DLGAP1: variants seen among roughly 807,000 people sequenced by gnomAD.
DLGAP1 encodes the protein disks large-associated protein 1.
Under a neutral mutation model 90.8 loss-of-function variants are expected in DLGAP1, and 11 were observed. That is an observed-to-expected ratio of 0.12 (90% CI 0.08 to 0.20). The LOEUF (loss-of-function observed/expected upper bound fraction) is 0.20. Among genes scored for constraint, DLGAP1 ranks in the 10% least tolerant of loss-of-function variants. The pLI is 1.00. For synonymous variants in DLGAP1, 558 were observed against 540.7 expected, an observed-to-expected ratio of 1.03 and a Z score of -0.44; for missense variants, 1,050 against 1,333.8, an observed-to-expected ratio of 0.79 and a Z score of 3.31.
At chr18:4,005,856 AT>A (rs535244382) in intron 2 of DLGAP1, among the ~76,000 whole-genome samples, 6 of 151,596 alleles carry the variant, frequency 4.0e-5, no homozygotes, top group Non-Finnish European at 5.9e-5. Flanking sequence ...TGTATTGGTA[AT>A]TTTTTTTTAT....
At chr18:4,013,905 C>T (rs765602035) in intron 2 of DLGAP1, 1 of 151,946 alleles carries the variant, frequency 6.6e-6, no homozygotes, top group African/African-American at 2.4e-5. Flanking sequence ...CCTAAGCTGG[C>T]AAGATAAATA....
At chr18:3,829,609 G>A (rs1038065957) in intron 4 of DLGAP1, among the ~76,000 whole-genome samples, 6 of 152,174 alleles carry the variant, frequency 3.9e-5, no homozygotes, top group African/African-American at 1.4e-4. Context: ...GAAATCCACA[G>A]GGTGGTCTGG....
chr18:3,672,023 T>A (rs1338090970), intron 7 of DLGAP1, among the ~76,000 whole-genome samples: 1 of 152,158 alleles, frequency 6.6e-6, no homozygotes, highest in Non-Finnish European at 1.5e-5. Context: ...GAGATATTTG[T>A]TCAGGAAAAA....
intron 1 of DLGAP1, among the ~76,000 whole-genome samples, chr18:4,233,894 A>G (rs2078349515): frequency 6.6e-6 from 1 of 152,166 alleles, no homozygotes; most frequent in African/African-American, 2.4e-5. Flanking sequence ...TTTAATACAA[A>G]TAAACATAAT....
chr18:3,808,457 T>A (rs148914087), intron 5 of DLGAP1, among the ~76,000 whole-genome samples: 3 of 152,256 alleles, frequency 2.0e-5, no homozygotes, highest in Non-Finnish European at 4.4e-5. Flanking sequence ...AAATTCACAA[T>A]TTCGTGTGGC....
intron 7 of DLGAP1, among the ~76,000 whole-genome samples, chr18:3,601,031 TATAGAG>T (rs1202634806): frequency 1.4e-5 from 2 of 146,112 alleles, no homozygotes; most frequent in Non-Finnish European, 3.0e-5. Context: ...GATATATAGA[TATAGAG>T]ATAAAGATAT....
chr18:3,908,564 GGCC>G (rs2071963508), intron 3 of DLGAP1, among the ~76,000 whole-genome samples: 1 of 152,078 alleles, frequency 6.6e-6, no homozygotes, highest in Non-Finnish European at 1.5e-5. Flanking sequence ...TCAGGTTGGT[GGCC>G]ACTGTCATAG....
intron 2 of DLGAP1, among the ~76,000 whole-genome samples, chr18:4,022,695 G>A (rs1402433668): frequency 6.6e-6 from 1 of 152,144 alleles, no homozygotes; most frequent in Non-Finnish European, 1.5e-5. Flanking sequence ...TTTGTGGAGG[G>A]TATATTTAGC....
intron 4 of DLGAP1, among the ~76,000 whole-genome samples, chr18:3,857,570 T>C (rs1248116127): frequency 6.6e-6 from 1 of 152,226 alleles, no homozygotes; most frequent in African/African-American, 2.4e-5. Flanking sequence ...ACTGGACCAC[T>C]CCTTGGTAGT....
chr18:3,509,371 T>C (rs2050411414), intron 10 of DLGAP1, among the ~76,000 whole-genome samples: 1 of 152,342 alleles, frequency 6.6e-6, no homozygotes, highest in Non-Finnish European at 1.5e-5. Context: ...TCTCCGTCTC[T>C]GCAAGCAGGC....
chr18:4,330,216 T>TGCACTAAACCTGAG (rs2080916694), intron 1 of DLGAP1, among the ~76,000 whole-genome samples: 7 of 149,668 alleles, frequency 4.7e-5, no homozygotes, highest in African/African-American at 1.5e-4. Context: ...GATACTCATA[T>TGCACTAAACCTGAG]AATTTTCTTG....
intron 3 of DLGAP1, among the ~76,000 whole-genome samples, chr18:3,908,209 T>G (rs1480645381): frequency 6.6e-6 from 1 of 151,968 alleles, no homozygotes; most frequent in East Asian, 1.9e-4. Flanking sequence ...ATGGGCAAAA[T>G]GAGAAAAACA....
At position 3,879,528 on chromosome 18, in the gene DLGAP1, G is replaced by C; in HGVS notation, c.541C>G (p.Arg181Gly). 6.2e-7 allele frequency: 1 copy of C among 1,601,604 alleles called. No homozygotes were observed. Among genetic ancestry groups the C allele is most frequent in the East Asian group, 2.2e-5 (1 of 44,836 alleles). ...DEAQAARYGKRSKSKERRAEP... is the reference protein window; with the variant it reads ...DEAQAARYGKGSKSKERRAEP... ...GCGCGCCGCTCCTTGCTCTTGCTGC[G>C]TTTGCCATAGCGCGCCGCCTGCGCC... The change falls in exon 4 of 13, where the codon CGC (arginine) becomes GGC (glycine). Residue 181 changes from arginine to glycine, a missense_variant. Arg to Gly is a moderately radical substitution (Grantham distance 125). Around this residue, in one of 2 missense-constraint regions of DLGAP1, gnomAD observed 485 missense variants for 454.1 expected, o/e 1.07. Transcript: ENST00000315677. This position sits in a 1 kb window ranked among gnomAD's most constrained non-coding sequence, Gnocchi z 6.6.
chr18:3,873,502 G>C (rs1281739926), intron 4 of DLGAP1, among the ~76,000 whole-genome samples: 1 of 152,166 alleles, frequency 6.6e-6, no homozygotes, highest in East Asian at 1.9e-4. Context: ...AGTAGCCAAA[G>C]TCATTAGCAG....
chr18:4,066,919 T>A (rs2075378348), intron 2 of DLGAP1, among the ~76,000 whole-genome samples: 1 of 152,054 alleles, frequency 6.6e-6, no homozygotes, highest in Non-Finnish European at 1.5e-5. Flanking sequence ...AGACATGCAA[T>A]CAATCTAAAT....
intron 3 of DLGAP1, among the ~76,000 whole-genome samples, chr18:3,959,234 G>A (rs1047334132): frequency 2.0e-5 from 3 of 151,994 alleles, no homozygotes; most frequent in East Asian, 1.9e-4. Context: ...CAATTTTAGC[G>A]AGAGGAATCT....
intron 7 of DLGAP1, among the ~76,000 whole-genome samples, chr18:3,658,311 G>A (rs1372351447): frequency 6.6e-6 from 1 of 152,156 alleles, no homozygotes; most frequent in African/African-American, 2.4e-5. Context: ...AATTTAATTT[G>A]TAATAATGGG....
intron 5 of DLGAP1, among the ~76,000 whole-genome samples, chr18:3,785,539 T>C (rs1222310314): frequency 6.6e-6 from 1 of 152,134 alleles, no homozygotes; most frequent in Non-Finnish European, 1.5e-5. Context: ...CATGGGGGAA[T>C]GTAGACCATT....
At position 3,657,879 on chromosome 18, in the gene DLGAP1, C is replaced by T. The variant is rs573641224; in HGVS notation, c.1591+71256G>A. Among the ~76,000 whole-genome samples the T allele has an allele frequency of 5.3e-5, 8 of 152,234 alleles. No individual in the cohort carries two copies. The East Asian group carries it at 1.5e-3, about 29-fold the overall frequency. On this transcript the variant is annotated intron_variant, in intron 7 of 12. Transcript: ENST00000315677. ...TCGGCCTCCCAAAGTGCTGGGATTA[C>T]AGGCTTGAGCCACCGCGCCCGGCTC...
Sources: allele counts gnomAD v4.1 joint callset (sites outside exome capture counted in the v4.1 genomes callset), GRCh38; gene constraint gnomAD v4.1.1; regional missense constraint gnomAD v4.1.1; non-coding constraint Gnocchi (gnomAD v3.1); transcripts MANE v1.5; gene names NCBI Gene and HGNC (gene_info 2026-07-23, HGNC 2026-07-21).